Variants in DPP10 observed in about 807,000 individuals in gnomAD.
DPP10 encodes the protein dipeptidyl peptidase like 10, also known as inactive dipeptidyl peptidase 10.
DPP10 carries 33 observed loss-of-function variants against 120.9 expected under a neutral mutation model. The observed-to-expected ratio is 0.27, with a 90% CI of 0.21 to 0.37. The LOEUF (loss-of-function observed/expected upper bound fraction) is 0.37. Among genes scored for constraint, DPP10 ranks in the 10% least tolerant of loss-of-function variants. DPP10 has a pLI of 1.00. For missense variants in DPP10, 816 were observed against 942.8 expected (o/e 0.87, Z 1.76); for synonymous variants, 337 against 326.1 (o/e 1.03, Z -0.36).
intron 1 of DPP10, among the ~76,000 whole-genome samples, chr2:114,570,217 C>T (rs764377660): frequency 6.6e-6 from 1 of 152,070 alleles, no homozygotes; most frequent in Non-Finnish European, 1.5e-5. Context: ...AGGTTTGTCA[C>T]CAAAGACTTC....
At chr2:114,988,390 C>G (rs1213626211) in intron 1 of DPP10, among the ~76,000 whole-genome samples, 1 of 152,128 alleles carries the variant, frequency 6.6e-6, no homozygotes, top group Non-Finnish European at 1.5e-5. Flanking sequence ...ATAAGCTGAC[C>G]ACATATGTGA....
At chr2:114,933,418 A>G (rs1000963889) in intron 1 of DPP10, among the ~76,000 whole-genome samples, 2 of 152,200 alleles carry the variant, frequency 1.3e-5, no homozygotes, top group African/African-American at 4.8e-5. Flanking sequence ...TAAACGGGGT[A>G]AAAAGTAGAA....
intron 1 of DPP10, among the ~76,000 whole-genome samples, chr2:114,792,043 A>G (rs923302565): frequency 2.0e-5 from 3 of 152,242 alleles, no homozygotes; most frequent in Non-Finnish European, 4.4e-5. Context: ...TGACAATTTT[A>G]AATTGACATA....
intron 4 of DPP10, among the ~76,000 whole-genome samples, chr2:115,505,901 T>C (rs1331043129): frequency 6.6e-6 from 1 of 152,106 alleles, no homozygotes; most frequent in African/African-American, 2.4e-5. Flanking sequence ...CTTTAATCAT[T>C]CCACATTGTG....
At chr2:115,530,364 T>C (rs969359612) in intron 5 of DPP10, among the ~76,000 whole-genome samples, 4 of 152,080 alleles carry the variant, frequency 2.6e-5, no homozygotes, top group African/African-American at 9.7e-5. Flanking sequence ...ATCATATATA[T>C]GGTAGTTTCA....
intron 3 of DPP10, among the ~76,000 whole-genome samples, chr2:115,479,574 T>C (rs532711819): frequency 9.2e-5 from 14 of 152,250 alleles, no homozygotes; most frequent in South Asian, 8.3e-4. Context: ...AAATTTTATA[T>C]TGTGTGCAAT....
chr2:114,451,705 T>C (rs1395669488), intron 1 of DPP10, among the ~76,000 whole-genome samples: 1 of 152,134 alleles, frequency 6.6e-6, no homozygotes. Flanking sequence ...GTGTTGTTTT[T>C]CAGGATTTGG....
At chr2:114,608,984 A>G (rs1693059295) in intron 1 of DPP10, among the ~76,000 whole-genome samples, 1 of 152,156 alleles carries the variant, frequency 6.6e-6, no homozygotes, top group Admixed American at 6.6e-5. Flanking sequence ...TTTAAATCAC[A>G]GCATCACGCA....
At chr2:115,796,356 G>T (rs1440377232) in intron 19 of DPP10, among the ~76,000 whole-genome samples, 1 of 152,068 alleles carries the variant, frequency 6.6e-6, no homozygotes, top group African/African-American at 2.4e-5. Context: ...CTGTTAAACT[G>T]CCAATTCCTT....
At chr2:114,518,069 A>AT (rs751351962) in intron 1 of DPP10, among the ~76,000 whole-genome samples, 869 of 54,144 alleles carry the variant, frequency 0.016, 66 homozygotes, top group African/African-American at 0.022. Flanking sequence ...TGAGCTATTC[A>AT]TTTTTTTTTT....
intron 5 of DPP10, among the ~76,000 whole-genome samples, chr2:115,663,597 C>A (rs1333720867): frequency 6.6e-6 from 1 of 152,092 alleles, no homozygotes; most frequent in African/African-American, 2.4e-5. Context: ...AAGAATATAG[C>A]CAGAGTATAG....
chr2:115,441,745 C>T (rs1416571918), intron 3 of DPP10, among the ~76,000 whole-genome samples: 4 of 151,858 alleles, frequency 2.6e-5, no homozygotes, highest in Admixed American at 2.6e-4. Context: ...ATTCATCTTT[C>T]CCATGATGAA....
chr2:114,624,336 G>C (rs932769712), intron 1 of DPP10, among the ~76,000 whole-genome samples: 1 of 151,856 alleles, frequency 6.6e-6, no homozygotes, highest in East Asian at 1.9e-4. Flanking sequence ...GATTTGAAAG[G>C]GTACTGGAAT....
At chr2:114,534,946 T>C (rs1313542323) in intron 1 of DPP10, among the ~76,000 whole-genome samples, 7 of 152,162 alleles carry the variant, frequency 4.6e-5, no homozygotes, top group Admixed American at 4.6e-4. Context: ...GTAACTTGTG[T>C]TGGTTTTCAA....
intron 1 of DPP10, among the ~76,000 whole-genome samples, chr2:115,188,212 G>T (rs2054604267): frequency 6.6e-6 from 1 of 152,160 alleles, no homozygotes; most frequent in Admixed American, 6.5e-5. Context: ...GAAAATTTTT[G>T]TTTTATATTA....
At chr2:114,633,961 C>T (rs1283605447) in intron 1 of DPP10, among the ~76,000 whole-genome samples, 1 of 151,764 alleles carries the variant, frequency 6.6e-6, no homozygotes, top group Non-Finnish European at 1.5e-5. Context: ...TTGCTTTATC[C>T]TAATTGTTTA....
chr2:115,045,663 G>C (rs1705010223), intron 1 of DPP10, among the ~76,000 whole-genome samples: 1 of 152,096 alleles, frequency 6.6e-6, no homozygotes, highest in Non-Finnish European at 1.5e-5. Flanking sequence ...ACGGCGGAGG[G>C]ATGGTATCAG....
At chr2:114,889,267 A>T (rs1692337737) in intron 1 of DPP10, among the ~76,000 whole-genome samples, 1 of 152,214 alleles carries the variant, frequency 6.6e-6, no homozygotes, top group South Asian at 2.1e-4. Context: ...ATCCGTGTTC[A>T]CACTGTCTCC....
rs562940862 is a variant in DPP10, at chr2:115,357,552, G to T, written c.271+13640G>T. Among the ~76,000 whole-genome samples, 17 of 152,306 alleles carry T rather than the reference G, an allele frequency of 1.1e-4. No homozygotes were observed. The South Asian group carries it at 3.3e-3, about 30-fold the overall frequency. On this transcript the variant is annotated intron_variant, in intron 3 of 25. Transcript: ENST00000410059. Reference sequence around the variant, plus strand: ...CTGGATGCTTTCATGGGCTGGTGTTGTGTGTGCAGCTTTTCCAGGTGCACA... The same window carrying T: ...CTGGATGCTTTCATGGGCTGGTGTTTTGTGTGCAGCTTTTCCAGGTGCACA...
Sources: allele counts gnomAD v4.1 joint callset (sites outside exome capture counted in the v4.1 genomes callset), GRCh38; gene constraint gnomAD v4.1.1; transcripts MANE v1.5; gene names NCBI Gene and HGNC (gene_info 2026-07-23, HGNC 2026-07-21).